Variants in PRKD1 observed in about 807,000 individuals in gnomAD.
PRKD1 encodes the protein serine/threonine-protein kinase D1.
Under a neutral mutation model 95.9 loss-of-function variants are expected in PRKD1, and 63 were observed. That is an observed-to-expected ratio of 0.66 (90% CI 0.54 to 0.81). The LOEUF is 0.81. Ranked by LOEUF, PRKD1 falls within the 30% of genes least tolerant of loss-of-function variation. PRKD1 has a pLI of 0.00. For missense variants in PRKD1, 1,048 were observed against 1,165.3 expected (o/e 0.90, Z 1.47); for synonymous variants, 425 against 423.1 (o/e 1.00, Z -0.05).
intron 1 of PRKD1, among the ~76,000 whole-genome samples, chr14:29,838,854 G>C (rs1221917474): frequency 6.6e-6 from 1 of 152,114 alleles, no homozygotes; most frequent in South Asian, 2.1e-4. Context: ...TAAGTAATGG[G>C]TTTGAAAAGA....
At chr14:29,720,784 A>AAAATAAATAAAT (rs563067101) in intron 2 of PRKD1, among the ~76,000 whole-genome samples, 1 of 151,424 alleles carries the variant, frequency 6.6e-6, no homozygotes, top group Non-Finnish European at 1.5e-5. Flanking sequence ...TGTCTCAAAA[A>AAAATAAATAAAT]AAATAAATAA....
chr14:29,833,874 G>C (rs4371074), intron 1 of PRKD1, among the ~76,000 whole-genome samples: 1 of 151,336 alleles, frequency 6.6e-6, no homozygotes, highest in South Asian at 2.1e-4. Context: ...TTACAGACTA[G>C]ACAGCAGCGA....
intron 1 of PRKD1, among the ~76,000 whole-genome samples, chr14:29,728,359 C>T (rs1244501693): frequency 1.3e-5 from 2 of 152,078 alleles, no homozygotes; most frequent in Non-Finnish European, 2.9e-5. Context: ...AATATAACTA[C>T]CCATATAACC....
In PRKD1 at chr14:29,927,252, C is replaced by G. The variant is rs1273532163; in HGVS notation, c.261G>C (p.Gln87His). The G allele has an allele frequency of 3.3e-6, 5 of 1,503,300 alleles. No homozygotes were observed. Among genetic ancestry groups the G allele is most frequent in the Non-Finnish European group, 4.4e-6 (5 of 1,126,680 alleles). 93.1% of individuals were successfully genotyped at this position (1,503,300 alleles called of 1,614,324 possible). ...TGGCAGCGGTGCGGCGACTTACCTT[C>G]TGGTCGACAATGGAGCAAGCCATCT... ...VREMACSIVD[Q>H]KFPECGFYGM... Residue 87 changes from glutamine to histidine, a missense_variant, in exon 1 of 18, where the codon CAG (glutamine) becomes CAC (histidine). Gln to His is a conservative substitution (Grantham distance 24). Transcript: ENST00000331968.
chr14:29,610,609 G>A (rs1394731938), intron 13 of PRKD1, among the ~76,000 whole-genome samples: 1 of 152,188 alleles, frequency 6.6e-6, no homozygotes, highest in Admixed American at 6.5e-5. Flanking sequence ...AGACAATTTA[G>A]TAGTTTCCTA....
Position 29,606,602 on chromosome 14 carries a change from C to G in PRKD1, c.1906-6785G>C, listed in dbSNP as rs1265989326. ...TTTAGATTCAGATCATTCTCAAAAG[C>G]CACCAGGAAACAGTTATCAGCAAGA... On this transcript the variant is annotated intron_variant, in intron 13 of 17. Coordinates refer to ENST00000331968, the MANE Select transcript of PRKD1 (RefSeq NM_002742.3). Among the ~76,000 whole-genome samples the G allele has an allele frequency of 2.0e-5, 3 of 152,062 alleles. No individual in the cohort carries two copies. In the East Asian group the frequency reaches 5.8e-4, roughly 29 times the overall value.
intron 13 of PRKD1, among the ~76,000 whole-genome samples, chr14:29,608,805 G>A (rs1281305522): frequency 1.3e-5 from 2 of 152,112 alleles, no homozygotes; most frequent in Non-Finnish European, 2.9e-5. Flanking sequence ...CTATGAACAT[G>A]TCCCCGTTTC....
chr14:29,795,789 A>C (rs1054321443), intron 1 of PRKD1, among the ~76,000 whole-genome samples: 3 of 152,144 alleles, frequency 2.0e-5, no homozygotes, highest in Non-Finnish European at 4.4e-5. Flanking sequence ...TTTCATGCCC[A>C]AAAATATAAG....
At chr14:29,726,871 T>C (rs543990725) in intron 1 of PRKD1, among the ~76,000 whole-genome samples, 6 of 151,996 alleles carry the variant, frequency 3.9e-5, no homozygotes, top group Admixed American at 3.9e-4. Flanking sequence ...GTTCACTTTA[T>C]TTTTTTTAGA....
chr14:29,745,884 C>T (rs1167017325), intron 1 of PRKD1, among the ~76,000 whole-genome samples: 1 of 152,164 alleles, frequency 6.6e-6, no homozygotes, highest in Non-Finnish European at 1.5e-5. Context: ...AAAATGGTAT[C>T]TAACTATCTA....
intron 13 of PRKD1, among the ~76,000 whole-genome samples, chr14:29,600,366 G>T (rs1893472363): frequency 6.6e-6 from 1 of 152,106 alleles, no homozygotes; most frequent in Non-Finnish European, 1.5e-5. Context: ...AAAAAAAAGT[G>T]AGCCTGTGCT....
chr14:29,893,057 G>C (rs1277650346), intron 1 of PRKD1, among the ~76,000 whole-genome samples: 1 of 152,114 alleles, frequency 6.6e-6, no homozygotes, highest in Non-Finnish European at 1.5e-5. Flanking sequence ...GAAATGGCTA[G>C]TAATGGACCT....
intron 16 of PRKD1, among the ~76,000 whole-genome samples, chr14:29,593,228 C>T (rs1029314037): frequency 1.3e-5 from 2 of 152,082 alleles, no homozygotes; most frequent in Non-Finnish European, 2.9e-5. Context: ...TTTTTTCTTT[C>T]AACAGTTAAT....
At chr14:29,921,954 A>C (rs2139140713) in intron 1 of PRKD1, among the ~76,000 whole-genome samples, 1 of 152,356 alleles carries the variant, frequency 6.6e-6, no homozygotes, top group Non-Finnish European at 1.5e-5. Context: ...TTAACTTCAC[A>C]GTCTCACAGG....
intron 1 of PRKD1, among the ~76,000 whole-genome samples, chr14:29,895,013 T>C (rs1894071572): frequency 6.6e-6 from 1 of 152,148 alleles, no homozygotes; most frequent in African/African-American, 2.4e-5. Context: ...GAGAACTGGA[T>C]ACTCTCTAGC....
At chr14:29,689,057 A>G (rs1884068824) in intron 2 of PRKD1, among the ~76,000 whole-genome samples, 1 of 151,870 alleles carries the variant, frequency 6.6e-6, no homozygotes, top group Non-Finnish European at 1.5e-5. Context: ...GCACAGGCAA[A>G]GATTTTACAA....
intron 4 of PRKD1, among the ~76,000 whole-genome samples, chr14:29,649,668 G>A (rs558527531): frequency 5.3e-5 from 8 of 151,992 alleles, no homozygotes; most frequent in South Asian, 2.1e-4. Context: ...TATTTATAGC[G>A]CCTTTGGCTG....
At position 29,638,709 on chromosome 14, in the gene PRKD1, C is replaced by T; in HGVS notation, c.892G>A (p.Gly298Ser). ...TCATCCTTACCTTTGCACTGCAAGC[C>T]CTGCCTGAAAAGCCCCTTCAGAAGC... ...KKLLKGLFRQ[G>S]LQCKDCRFNC... The change falls in exon 5 of 18, where the codon GGC becomes AGC. Residue 298 changes from glycine (G) to serine (S), a missense_variant. Transcript: ENST00000331968. 1 of 1,614,050 alleles carries T rather than the reference C, an allele frequency of 6.2e-7. No individual in the cohort carries two copies. Among genetic ancestry groups the T allele is most frequent in the Non-Finnish European group, 8.5e-7 (1 of 1,180,000 alleles).
chr14:29,594,243 A>T, intron 16 of PRKD1: 1 of 367,744 alleles, frequency 2.7e-6, no homozygotes, highest in South Asian at 2.0e-5. Context: ...TTAAGATTGT[A>T]ACTTATAACA....
Sources: gnomAD v4.1 joint callset for allele counts (sites outside exome capture counted in the v4.1 genomes callset) on GRCh38, gnomAD v4.1.1 for gene constraint, MANE v1.5 for transcripts, NCBI Gene and HGNC (gene_info 2026-07-23, HGNC 2026-07-21) for gene names.